AK7: variants seen among roughly 807,000 people sequenced by gnomAD.
The protein encoded by AK7 is adenylate kinase 7, also known as ATP-AMP transphosphorylase 7.
Under a neutral mutation model 96.6 loss-of-function variants are expected in AK7, and 78 were observed. That is an observed-to-expected ratio of 0.81 (90% confidence interval 0.67 to 0.97). The LOEUF is 0.97. Ranked by LOEUF, AK7 falls within the 50% of genes least tolerant of loss-of-function variation. The pLI, the probability that AK7 is intolerant of heterozygous loss-of-function variation, is 0.00. For synonymous variants in AK7, 302 were observed against 317.2 expected (o/e 0.95, Z 0.51); for missense variants, 855 against 887.9 (o/e 0.96, Z 0.47).
At chr14:96,449,275 A>C (rs1204565658) in intron 8 of AK7, among the ~76,000 whole-genome samples, 1 of 152,188 alleles carries the variant, frequency 6.6e-6, no homozygotes, top group African/African-American at 2.4e-5. Flanking sequence ...AACACTCCAC[A>C]TGATAAATAT....
At chr14:96,412,068 C>T (rs1891063061) in intron 4 of AK7, among the ~76,000 whole-genome samples, 1 of 152,074 alleles carries the variant, frequency 6.6e-6, no homozygotes, top group African/African-American at 2.4e-5. Flanking sequence ...CAGAGCCCTC[C>T]AAAGAAGGGT....
chr14:96,486,835 C>T, intron 16 of AK7, 63 bp from the exon 17 acceptor site: 1 of 1,483,514 alleles, frequency 6.7e-7, no homozygotes, highest in East Asian at 2.3e-5. Flanking sequence ...GTAGGGTGAA[C>T]TGTGTGAGTG....
At chr14:96,408,406 C>T (rs1049156178) in intron 3 of AK7, among the ~76,000 whole-genome samples, 3 of 152,216 alleles carry the variant, frequency 2.0e-5, no homozygotes, top group South Asian at 2.1e-4. Flanking sequence ...ACCCAGAATA[C>T]CTATCTCATA....
At chr14:96,445,526 G>T (rs983886473) in intron 7 of AK7, among the ~76,000 whole-genome samples, 4 of 152,114 alleles carry the variant, frequency 2.6e-5, no homozygotes, top group Admixed American at 1.3e-4. Context: ...CGGGTTTGGT[G>T]GCTCATGCCT....
chr14:96,392,294 G>C, intron 1 of AK7, 35 bp downstream of exon 1: 2 of 1,559,738 alleles, frequency 1.3e-6, no homozygotes, highest in South Asian at 1.1e-5. Context: ...CCTCACGCCA[G>C]CTCTCAGCTC....
chr14:96,449,607 T>C (rs1893464715), intron 8 of AK7, among the ~76,000 whole-genome samples, 195 bp from the exon 9 acceptor site: 1 of 152,196 alleles, frequency 6.6e-6, no homozygotes, highest in Non-Finnish European at 1.5e-5. Context: ...CTAACTTTTG[T>C]ATTTTTCGTA....
At chr14:96,441,767 T>C (rs1892974014) in intron 6 of AK7, among the ~76,000 whole-genome samples, 1 of 152,126 alleles carries the variant, frequency 6.6e-6, no homozygotes, top group Non-Finnish European at 1.5e-5. Context: ...AGGTTTATTT[T>C]CCTTTCACAT....
At chr14:96,393,659 T>C (rs1246938431) in intron 1 of AK7, among the ~76,000 whole-genome samples, 1 of 152,196 alleles carries the variant, frequency 6.6e-6, no homozygotes, top group African/African-American at 2.4e-5. Flanking sequence ...ACACCAGTTG[T>C]TGGATGAGGA....
intron 9 of AK7, among the ~76,000 whole-genome samples, chr14:96,450,815 T>C (rs1325947668): frequency 2.1e-5 from 3 of 145,180 alleles, no homozygotes; most frequent in Non-Finnish European, 3.0e-5. Context: ...CACTCTGTCG[T>C]CCAGGCTGGA....
At chr14:96,418,939 T>C (rs1891513554) in intron 4 of AK7, among the ~76,000 whole-genome samples, 1 of 152,246 alleles carries the variant, frequency 6.6e-6, no homozygotes, top group South Asian at 2.1e-4. Context: ...AAAGGTTCCA[T>C]ACTGAACACC....
At chr14:96,445,832 G>GT (rs1479110713) in intron 7 of AK7, among the ~76,000 whole-genome samples, 4 of 152,156 alleles carry the variant, frequency 2.6e-5, no homozygotes, top group African/African-American at 9.7e-5. Context: ...ATTCACTGTT[G>GT]TTTCTCTCTG....
chr14:96,420,679 C>A (rs774243410), intron 4 of AK7, 143 bp from the exon 5 acceptor site: 2 of 588,572 alleles, frequency 3.4e-6, no homozygotes, highest in Non-Finnish European at 5.7e-6. Context: ...GGCAACACAG[C>A]GAGACCCTGT....
At chr14:96,409,111 G>A (rs1890892803) in intron 4 of AK7, among the ~76,000 whole-genome samples, 170 bp downstream of exon 4, 1 of 152,006 alleles carries the variant, frequency 6.6e-6, no homozygotes, top group Non-Finnish European at 1.5e-5. Flanking sequence ...CAATTCTAAG[G>A]GATTTCATTG....
intron 5 of AK7, among the ~76,000 whole-genome samples, chr14:96,437,167 C>T (rs1892684964): frequency 6.6e-6 from 1 of 151,868 alleles, no homozygotes; most frequent in Non-Finnish European, 1.5e-5. Context: ...AGACTATAGT[C>T]AGTAATAACT....
intron 1 of AK7, among the ~76,000 whole-genome samples, chr14:96,395,835 CAG>C (rs1228515119): frequency 1.3e-5 from 1 of 74,298 alleles, no homozygotes; most frequent in African/African-American, 5.3e-5. Flanking sequence ...TTTTTTGAGA[CAG>C]AGTCTTGCTC....
At chr14:96,432,192 G>A (rs1478010108) in intron 5 of AK7, among the ~76,000 whole-genome samples, 1 of 141,686 alleles carries the variant, frequency 7.1e-6, no homozygotes, top group Non-Finnish European at 1.5e-5. Context: ...CCCCAGGATT[G>A]CAACCCCTGC....
At chr14:96,425,997 G>T (rs1892009288) in intron 5 of AK7, among the ~76,000 whole-genome samples, 1 of 151,956 alleles carries the variant, frequency 6.6e-6, no homozygotes, top group Non-Finnish European at 1.5e-5. Context: ...AGAGAATTTA[G>T]TCCACTTACA....
rs558051806 is a variant in AK7, at chr14:96,466,133, A to G, written c.1358-5345A>G. 4.0e-5 allele frequency among the ~76,000 whole-genome samples: 6 copies of G among 150,674 alleles called. No individual in the cohort carries two copies. In the South Asian group the frequency reaches 6.3e-4, roughly 16 times the overall value. On this transcript the variant is annotated intron_variant, in intron 12 of 17. Transcript: ENST00000267584. ...CCCAGGCTGGAGTGCAGTGGTGCAC[A>G]TAGCTCACTGCAGCCCCTATCTCCT...
intron 2 of AK7, among the ~76,000 whole-genome samples, chr14:96,401,274 C>G (rs1890393817): frequency 6.6e-6 from 1 of 152,186 alleles, no homozygotes; most frequent in African/African-American, 2.4e-5. Flanking sequence ...AAAGGGGCAC[C>G]TAAGGAATTC....
Sources: allele counts gnomAD v4.1 joint callset (sites outside exome capture counted in the v4.1 genomes callset), GRCh38; gene constraint gnomAD v4.1.1; transcripts MANE v1.5; gene names NCBI Gene and HGNC (gene_info 2026-07-23, HGNC 2026-07-21).